Variants in POFUT3 observed in about 807,000 individuals in gnomAD.
The protein encoded by POFUT3 is GDP-fucose protein O-fucosyltransferase 3.
At chr8:33,472,894 C>A in the POFUT3 span, among the ~76,000 whole-genome samples, 1 of 152,192 alleles carries the variant, frequency 6.6e-6, no homozygotes, top group African/African-American at 2.4e-5. Context: ...CCGTCTCTTA[C>A]ACGCACCCCC....
the POFUT3 span, among the ~76,000 whole-genome samples, chr8:33,461,110 G>A: frequency 1.3e-5 from 2 of 150,056 alleles, no homozygotes; most frequent in South Asian, 2.1e-4. Flanking sequence ...AGCAGAGATC[G>A]TGCCACTGCA....
chr8:33,380,699 A>G, the POFUT3 span, among the ~76,000 whole-genome samples: 2 of 151,852 alleles, frequency 1.3e-5, no homozygotes, highest in East Asian at 1.9e-4. Context: ...AAAATTAGGT[A>G]TGGTGGCACA....
chr8:33,417,754 C>T, the POFUT3 span, among the ~76,000 whole-genome samples: 6 of 152,094 alleles, frequency 3.9e-5, no homozygotes, highest in Non-Finnish European at 7.4e-5. Flanking sequence ...GATAATCACA[C>T]TTCAAATAGA....
chr8:33,319,361 T>A, the POFUT3 span, among the ~76,000 whole-genome samples: 1 of 29,110 alleles, frequency 3.4e-5, no homozygotes, highest in Non-Finnish European at 4.9e-5. Flanking sequence ...ATATATATTT[T>A]ATATATATGT....
At chr8:33,335,244 A>G in the POFUT3 span, among the ~76,000 whole-genome samples, 1 of 151,916 alleles carries the variant, frequency 6.6e-6, no homozygotes, top group Non-Finnish European at 1.5e-5. Context: ...TGTACAACAT[A>G]TTTTATTATA....
At chr8:33,423,818 T>TAAAAAAAA in the POFUT3 span, among the ~76,000 whole-genome samples, 25 of 70,140 alleles carry the variant, frequency 3.6e-4, 2 homozygotes, top group African/African-American at 1.3e-3. Flanking sequence ...GCACACCAAG[T>TAAAAAAAA]AAAAAAAAAA....
chr8:33,451,004 A>C, the POFUT3 span, among the ~76,000 whole-genome samples: 1 of 152,042 alleles, frequency 6.6e-6, no homozygotes, highest in African/African-American at 2.4e-5. Flanking sequence ...AAGATTCTAT[A>C]TGCTTCCAGA....
chr8:33,428,250 T>C, the POFUT3 span, among the ~76,000 whole-genome samples: 1 of 152,226 alleles, frequency 6.6e-6, no homozygotes, highest in South Asian at 2.1e-4. Context: ...TCAAGGCTCC[T>C]GACCAAGCTG....
chr8:33,321,833 G>C, the POFUT3 span, among the ~76,000 whole-genome samples: 1 of 152,030 alleles, frequency 6.6e-6, no homozygotes, highest in Non-Finnish European at 1.5e-5. Flanking sequence ...CTTCCTCGGG[G>C]CAGCTTTCCT....
chr8:33,327,283 AG>A, the POFUT3 span, among the ~76,000 whole-genome samples: 3 of 152,270 alleles, frequency 2.0e-5, no homozygotes, highest in African/African-American at 7.2e-5. Flanking sequence ...TCAGGAAAAA[AG>A]TCATTGTGAC....
chr8:33,355,660 T>C, the POFUT3 span, among the ~76,000 whole-genome samples: 1 of 151,176 alleles, frequency 6.6e-6, no homozygotes, highest in African/African-American at 2.4e-5. Context: ...ACAACACATT[T>C]ATTTTTTTTT....
the POFUT3 span, among the ~76,000 whole-genome samples, chr8:33,342,229 C>T: frequency 7.2e-5 from 11 of 151,798 alleles, 1 homozygote; most frequent in East Asian, 1.2e-3. Flanking sequence ...TGATGGCTCA[C>T]ACCTGTGGGC....
chr8:33,466,127 T>C, the POFUT3 span, among the ~76,000 whole-genome samples: 1 of 152,010 alleles, frequency 6.6e-6, no homozygotes, highest in South Asian at 2.1e-4. Context: ...CAACGTATGG[T>C]TAAGTAACTA....
the POFUT3 span, among the ~76,000 whole-genome samples, chr8:33,393,816 A>C: frequency 6.6e-6 from 1 of 152,334 alleles, no homozygotes; most frequent in East Asian, 1.9e-4. Context: ...CAGCTTTAGC[A>C]CACGAATGAT....
chr8:33,402,736 C>T, the POFUT3 span, among the ~76,000 whole-genome samples: 1 of 152,152 alleles, frequency 6.6e-6, no homozygotes, highest in Non-Finnish European at 1.5e-5. Flanking sequence ...AAGCAAAGGA[C>T]ATAAATATTT....
At chr8:33,361,583 T>C in the POFUT3 span, among the ~76,000 whole-genome samples, 924 of 152,366 alleles carry the variant, frequency 6.1e-3, 5 homozygotes, top group Non-Finnish European at 9.6e-3. Context: ...ATTTCTGTTA[T>C]AATTCCACAC....
At chr8:33,431,720 A>G in the POFUT3 span, among the ~76,000 whole-genome samples, 1 of 152,140 alleles carries the variant, frequency 6.6e-6, no homozygotes, top group Admixed American at 6.6e-5. Context: ...AGATGATTAT[A>G]TATTCCCAAA....
chr8:33,464,457 T>C, the POFUT3 span, among the ~76,000 whole-genome samples: 4 of 152,170 alleles, frequency 2.6e-5, no homozygotes, highest in Admixed American at 2.6e-4. Context: ...GACTCTAACT[T>C]TGACGAGTAT....
chr8:33,402,311 A>G, the POFUT3 span, among the ~76,000 whole-genome samples: 1 of 152,220 alleles, frequency 6.6e-6, no homozygotes, highest in Non-Finnish European at 1.5e-5. Flanking sequence ...AAGTCTATCT[A>G]CCAGGTAGAT....
Sources: gnomAD v4.1 joint callset for allele counts (sites outside exome capture counted in the v4.1 genomes callset) on GRCh38, gnomAD v4.1.1 for gene constraint, MANE v1.5 for transcripts, NCBI Gene and HGNC (gene_info 2026-07-23, HGNC 2026-07-21) for gene names.